Variants in AUTS2 observed in about 807,000 individuals in gnomAD.
AUTS2 encodes activator of transcription and developmental regulator AUTS2.
AUTS2 carries 17 observed loss-of-function variants against 112.4 expected under a neutral mutation model. The ratio of observed to expected loss-of-function variants is 0.15; its 90% CI spans 0.10 to 0.23. The LOEUF (loss-of-function observed/expected upper bound fraction) is 0.23, where lower values mean the gene tolerates loss of function less well. AUTS2 is among the 10% of genes least tolerant of loss of function. The pLI, the probability that AUTS2 is intolerant of heterozygous loss-of-function variation, is 1.00. For missense variants in AUTS2, 1,510 were observed against 1,701.6 expected, an observed-to-expected ratio of 0.89 and a Z score of 1.98; for synonymous variants, 751 against 702.7, an observed-to-expected ratio of 1.07 and a Z score of -1.09.
At chr7:70,308,264 A>T (rs187656771) in intron 4 of AUTS2, among the ~76,000 whole-genome samples, 1 of 152,204 alleles carries the variant, frequency 6.6e-6, no homozygotes, top group Non-Finnish European at 1.5e-5. Flanking sequence ...CCCAGGAGTT[A>T]TAACAATTGT....
intron 5 of AUTS2, among the ~76,000 whole-genome samples, chr7:70,564,633 A>T (rs1476514308): frequency 6.6e-6 from 1 of 152,204 alleles, no homozygotes; most frequent in Non-Finnish European, 1.5e-5. Context: ...ATCATTTGAA[A>T]ATCATTCACT....
chr7:70,686,025 C>T (rs1444905114), intron 5 of AUTS2, among the ~76,000 whole-genome samples: 1 of 152,210 alleles, frequency 6.6e-6, no homozygotes, highest in African/African-American at 2.4e-5. Flanking sequence ...ACCATCTCCC[C>T]CAGCTCAGTC....
At chr7:69,849,094 A>G (rs1334080012) in intron 1 of AUTS2, among the ~76,000 whole-genome samples, 5 of 152,182 alleles carry the variant, frequency 3.3e-5, no homozygotes, top group Non-Finnish European at 1.5e-5. Flanking sequence ...AGGCAAGAGC[A>G]TCCCCTGAGT....
At chr7:70,487,691 A>C (rs1798067284) in intron 5 of AUTS2, among the ~76,000 whole-genome samples, 1 of 152,290 alleles carries the variant, frequency 6.6e-6, no homozygotes, top group African/African-American at 2.4e-5. Flanking sequence ...TGGGCTCTAC[A>C]AGCTTTCCAT....
intron 6 of AUTS2, among the ~76,000 whole-genome samples, chr7:70,746,347 T>C (rs1788454280): frequency 6.6e-6 from 1 of 152,158 alleles, no homozygotes; most frequent in African/African-American, 2.4e-5. Context: ...GGTTTCACCA[T>C]GTTGGTCAGA....
chr7:69,961,118 C>G (rs1234884858), intron 2 of AUTS2, among the ~76,000 whole-genome samples: 2 of 152,072 alleles, frequency 1.3e-5, no homozygotes, highest in African/African-American at 4.8e-5. Flanking sequence ...TGTTGGTTAC[C>G]TGTTTTCATG....
intron 1 of AUTS2, among the ~76,000 whole-genome samples, chr7:69,654,786 G>A (rs935204733): frequency 1.3e-5 from 2 of 152,070 alleles, no homozygotes; most frequent in African/African-American, 2.4e-5. Context: ...ACTAAGTGGG[G>A]TGTTCTGGGT....
At chr7:70,569,850 C>T (rs1389483134) in intron 5 of AUTS2, among the ~76,000 whole-genome samples, 1 of 152,160 alleles carries the variant, frequency 6.6e-6, no homozygotes, top group Non-Finnish European at 1.5e-5. Context: ...TATTTTTAAA[C>T]CAGTAGCCAT....
At chr7:70,738,742 A>G (rs1057422916) in intron 6 of AUTS2, among the ~76,000 whole-genome samples, 21 of 152,106 alleles carry the variant, frequency 1.4e-4, no homozygotes, top group Non-Finnish European at 2.5e-4. Context: ...TCTTGATCAC[A>G]TTTTTCTCTA....
intron 2 of AUTS2, among the ~76,000 whole-genome samples, chr7:69,975,749 A>G (rs1371428296): frequency 1.3e-5 from 2 of 151,268 alleles, no homozygotes; most frequent in South Asian, 2.1e-4. Flanking sequence ...GTACAGTGGC[A>G]TGATCTCGGC....
intron 4 of AUTS2, among the ~76,000 whole-genome samples, chr7:70,150,323 A>G (rs1235684947): frequency 6.6e-6 from 1 of 152,268 alleles, no homozygotes; most frequent in East Asian, 1.9e-4. Context: ...TATTGTGCAC[A>G]CAATGAAAGG....
chr7:69,740,857 T>C (rs1169943059), intron 1 of AUTS2, among the ~76,000 whole-genome samples: 1 of 152,172 alleles, frequency 6.6e-6, no homozygotes, highest in East Asian at 1.9e-4. Context: ...ATGCAGAGTT[T>C]AGGTGTGAGG....
chr7:70,548,156 C>T (rs1445401884), intron 5 of AUTS2, among the ~76,000 whole-genome samples: 1 of 152,150 alleles, frequency 6.6e-6, no homozygotes, highest in African/African-American at 2.4e-5. Context: ...CACCCCATCC[C>T]TCCCCGAAAG....
At chr7:70,643,529 C>A (rs1230646987) in intron 5 of AUTS2, among the ~76,000 whole-genome samples, 1 of 152,098 alleles carries the variant, frequency 6.6e-6, no homozygotes. Flanking sequence ...TGGGATTACG[C>A]CACTGCACTC....
chr7:70,398,320 G>T (rs1247664973), intron 4 of AUTS2, among the ~76,000 whole-genome samples: 1 of 152,142 alleles, frequency 6.6e-6, no homozygotes. Flanking sequence ...AACTTGTATG[G>T]AATCTATAGC....
intron 15 of AUTS2, 165 bp from the exon 16 acceptor site, chr7:70,784,777 A>G (rs1045395469): frequency 7.5e-6 from 2 of 266,758 alleles, no homozygotes; most frequent in African/African-American, 3.1e-5. Flanking sequence ...AAAAAAACAC[A>G]CATTTTCTTT....
At chr7:70,497,466 G>C (rs1562995788) in intron 5 of AUTS2, among the ~76,000 whole-genome samples, 2 of 152,164 alleles carry the variant, frequency 1.3e-5, no homozygotes, top group Non-Finnish European at 2.9e-5. Flanking sequence ...GTGTAACCAT[G>C]GTTAGACTTT....
At chr7:69,806,082 T>C (rs1420517151) in intron 1 of AUTS2, among the ~76,000 whole-genome samples, 1 of 148,400 alleles carries the variant, frequency 6.7e-6, no homozygotes, top group East Asian at 2.0e-4. Context: ...TAACTTTTGA[T>C]AGAGACACAC....
chr7:69,626,713 A>C lies in AUTS2; in HGVS notation c.309+26751A>C, dbSNP rs376474676. 3.5e-4 allele frequency among the ~76,000 whole-genome samples: 53 copies of C among 152,370 alleles called. No individual in the cohort carries two copies. In the South Asian group the frequency reaches 0.011, roughly 32 times the overall value. ...TTCTGATATAACCAATTATTGGATC[A>C]TTAAATGTTTATTACCTTTTATATG... is the stretch of plus-strand genomic sequence containing the variant. On this transcript the variant is annotated intron_variant, in intron 1 of 18. Coordinates refer to ENST00000342771, the MANE Select transcript of AUTS2 (RefSeq NM_015570.4).
Sources: allele counts gnomAD v4.1 joint callset (sites outside exome capture counted in the v4.1 genomes callset), GRCh38; gene constraint gnomAD v4.1.1; transcripts MANE v1.5; gene names NCBI Gene and HGNC (gene_info 2026-07-23, HGNC 2026-07-21).